Variants in TKTL1 observed in about 807,000 individuals in gnomAD.
TKTL1 encodes the protein transketolase-like protein 1.
TKTL1 carries 1 observed loss-of-function variant against 39.3 expected under a neutral mutation model. That is an observed-to-expected ratio of 0.03 (90% CI 0.01 to 0.12). The LOEUF (loss-of-function observed/expected upper bound fraction) is 0.12, where lower values mean the gene tolerates loss of function less well. Ranked by LOEUF, TKTL1 falls within the 10% of genes least tolerant of loss-of-function variation. The pLI, the probability that TKTL1 is intolerant of heterozygous loss-of-function variation, is 1.00. For synonymous variants in TKTL1, 262 were observed against 193.8 expected (o/e 1.35, Z -2.92); for missense variants, 575 against 509.6 (o/e 1.13, Z -1.24).
intron 7 of TKTL1, among the ~76,000 whole-genome samples, chrX:154,318,251 T>C (rs1277042221): frequency 9.1e-6 from 1 of 109,989 alleles, no homozygotes. Flanking sequence ...TAAATTTAAG[T>C]CGTTGCAAAG....
At position 154,329,598 on chromosome X, in the gene TKTL1, C is replaced by A. The variant is rs1557172770; in HGVS notation, c.1701C>A (p.Pro567=). Residue 567 remains proline, a synonymous_variant, in exon 13 of 13, where the codon CCC becomes CCA. Transcript: ENST00000369915. The stretch of plus-strand genomic sequence containing the variant: ...ATTCGCTGGCAGTGTCGGGAGTGCC[C>A]CAGAGTGGGAAGTCCGAGGAATTGC... ...QVHSLAVSGV[P]QSGKSEELLD... is the part of the protein sequence containing the mutation. The A allele has an allele frequency of 1.7e-6, 2 of 1,211,521 alleles. No individual in the cohort carries two copies. The highest frequency in any genetic ancestry group is 1.8e-5 in the South Asian group (1 of 56,993).
intron 1 of TKTL1, among the ~76,000 whole-genome samples, chrX:154,297,591 A>G: frequency 9.0e-6 from 1 of 111,447 alleles, no homozygotes; most frequent in Admixed American, 9.5e-5. Context: ...TGCTTTTGGT[A>G]TCAAAAGTGT....
In TKTL1 at chrX:154,329,871, C is replaced by A; in HGVS notation, c.*183C>A. ...ACCCTTTAAACTGTCACTGCATATG[C>A]AAGTACCGCTCTAATTTTTGGATCA... On this transcript the variant is annotated 3_prime_UTR_variant, in exon 13 of 13. Coordinates refer to ENST00000369915, the MANE Select transcript of TKTL1 (RefSeq NM_012253.4). The A allele has an allele frequency of 2.3e-6, 1 of 432,142 alleles. No individual in the cohort carries two copies. The highest frequency in any genetic ancestry group is 3.8e-6 in the Non-Finnish European group (1 of 265,949). 35.6% of individuals were successfully genotyped at this position (432,142 alleles called of 1,213,427 possible).
chrX:154,329,270 C>A (rs1247464055), intron 12 of TKTL1, among the ~76,000 whole-genome samples: 2 of 112,128 alleles, frequency 1.8e-5, no homozygotes, highest in Admixed American at 9.4e-5. Context: ...ATTTTCAGGT[C>A]CCCAACAGCT....
At chrX:154,298,653 C>T (rs977644940) in intron 1 of TKTL1, among the ~76,000 whole-genome samples, 1 of 111,312 alleles carries the variant, frequency 9.0e-6, no homozygotes. Context: ...CATGTTTGTG[C>T]CCTACACTCC....
At chrX:154,300,293 G>C (rs1392543538) in intron 1 of TKTL1, among the ~76,000 whole-genome samples, 1 of 112,424 alleles carries the variant, frequency 8.9e-6, no homozygotes, top group Non-Finnish European at 1.9e-5. Flanking sequence ...GATTACAGGC[G>C]TGAGCCACCG....
chrX:154,301,175 C>T (rs782156854), intron 1 of TKTL1, among the ~76,000 whole-genome samples: 1 of 111,235 alleles, frequency 9.0e-6, no homozygotes, highest in African/African-American at 3.3e-5. Flanking sequence ...TGATTTCTAA[C>T]CTCATCCCAT....
rs935008904 is a variant in TKTL1, at chrX:154,320,864, C to T, written c.1137C>T (p.Leu379=). The change falls in exon 8 of 13, where the codon CTC becomes CTT. Residue 379 remains leucine, a synonymous_variant. Transcript: ENST00000369915. ...RAFDHIRIGG[L]AESNINIIGS... is the part of the protein sequence containing the mutation. ...TTGATCACATCCGGATAGGAGGCCT[C>T]GCTGAGAGCAACATCAACATTATTG... is the stretch of plus-strand genomic sequence containing the variant. 6.9e-5 allele frequency: 84 copies of T among 1,209,458 alleles called. No individual in the cohort carries two copies. The highest frequency in any genetic ancestry group is 8.8e-5 in the Non-Finnish European group (79 of 894,902).
chrX:154,296,816 C>T (rs1250758481), intron 1 of TKTL1, among the ~76,000 whole-genome samples: 1 of 110,434 alleles, frequency 9.1e-6, no homozygotes, highest in East Asian at 2.8e-4. Flanking sequence ...GAAACTAGTT[C>T]GAGATCAGCC....
At position 154,295,837 on chromosome X, in the gene TKTL1, C is replaced by A; in HGVS notation, c.-23C>A. ...CGCCGGAGACGTAGGAGTGGGTCTT[C>A]AGACTCCAAAGGGGTTGGACTAATG... On this transcript the variant is annotated 5_prime_UTR_variant, in exon 1 of 13. Transcript: ENST00000369915. 4 of 1,205,518 alleles carry A rather than the reference C, an allele frequency of 3.3e-6. No individual in the cohort carries two copies. Among genetic ancestry groups the A allele is most frequent in the Non-Finnish European group, 4.5e-6 (4 of 892,077 alleles).
At chrX:154,316,314 T>C (rs6655281) in intron 7 of TKTL1, among the ~76,000 whole-genome samples, 3,068 of 110,901 alleles carry the variant, frequency 0.028, 108 homozygotes, top group African/African-American at 0.095. Context: ...TCGTGATCCG[T>C]CCGCCTCGGC....
intron 2 of TKTL1, among the ~76,000 whole-genome samples, chrX:154,306,471 C>G (rs1165734740): frequency 9.0e-6 from 1 of 111,261 alleles, no homozygotes; most frequent in East Asian, 2.8e-4. Context: ...AATGGTTTGG[C>G]AAAAAATAAA....
At chrX:154,326,971 G>GAAAC (rs781908270) in intron 10 of TKTL1, among the ~76,000 whole-genome samples, 17 of 112,175 alleles carry the variant, frequency 1.5e-4, no homozygotes, top group Non-Finnish European at 3.0e-4. Flanking sequence ...AAGCTACAGG[G>GAAAC]AAACCTATAC....
chrX:154,329,144 T>A (rs1327392880), intron 12 of TKTL1, among the ~76,000 whole-genome samples: 1 of 112,188 alleles, frequency 8.9e-6, no homozygotes, highest in Non-Finnish European at 1.9e-5. Flanking sequence ...CCCTGTCTAG[T>A]GGGGAAAGTG....
At position 154,327,655 on chromosome X, in the gene TKTL1, C is replaced by T; in HGVS notation, c.1466C>T (p.Ala489Val). The T allele has an allele frequency of 8.3e-7, 1 of 1,210,912 alleles. No homozygotes were observed. The highest frequency in any genetic ancestry group is 1.1e-6 in the Non-Finnish European group (1 of 894,892). Residue 489 changes from alanine (A) to valine (V), a missense_variant, in exon 11 of 13, where the codon GCC (alanine) becomes GTC (valine). Transcript: ENST00000369915. Reference sequence around the variant, plus strand: ...GGAGCTGGAATTACTGTGTATGAAGCCTTAGCAGCTGCTGATGAGCTTTCG... The same window carrying T: ...GGAGCTGGAATTACTGTGTATGAAGTCTTAGCAGCTGCTGATGAGCTTTCG... Reference protein sequence around the residue: ...VIGAGITVYEALAAADELSKQ... With the variant: ...VIGAGITVYEVLAAADELSKQ...
At chrX:154,296,556 A>G (rs1211171998) in intron 1 of TKTL1, among the ~76,000 whole-genome samples, 1 of 111,437 alleles carries the variant, frequency 9.0e-6, no homozygotes, top group Non-Finnish European at 1.9e-5. Flanking sequence ...CTGCACTCCC[A>G]GCTATTCGGG....
chrX:154,318,428 G>A (rs782376531), intron 7 of TKTL1, among the ~76,000 whole-genome samples: 8 of 109,062 alleles, frequency 7.3e-5, no homozygotes, highest in South Asian at 8.0e-4. Context: ...GGCCGGGTGC[G>A]GTGGCTCACG....
rs782199950 is a variant in TKTL1, at chrX:154,310,986, G to A, written c.501G>A (p.Glu167=). ...GACACAGTGGTGCATTGCCCGCCGA[G>A]CACTGCATAAACATCTATCAGAGGC... The part of the protein sequence containing the change: ...RLGHSGALPA[E]HCINIYQRRC... Residue 167 remains glutamate (E), a synonymous_variant, in exon 4 of 13, where the codon GAG becomes GAA. Transcript: ENST00000369915. 8.3e-7 allele frequency: 1 copy of A among 1,210,614 alleles called. No homozygotes were observed. Among genetic ancestry groups the A allele is most frequent in the African/African-American group, 1.7e-5 (1 of 57,326 alleles).
rs181992920 is a variant in TKTL1 at position 154,308,458 on chromosome X, C to T, written c.253-887C>T. On this transcript the variant is annotated intron_variant, in intron 2 of 12. Transcript: ENST00000369915. ...AGTTGAGCTCTACTTGGTGGGAGGTCGGAAGACCTTAGAAAGTTGAGCGAT... is the reference window on the plus strand; with the variant it reads ...AGTTGAGCTCTACTTGGTGGGAGGTTGGAAGACCTTAGAAAGTTGAGCGAT... Among the ~76,000 whole-genome samples the T allele has an allele frequency of 7.8e-4, 87 of 111,647 alleles. 2 individuals are homozygous for T. In the Admixed American group the frequency reaches 7.9e-3, roughly 10 times the overall value.
Sources: allele counts gnomAD v4.1 joint callset (sites outside exome capture counted in the v4.1 genomes callset), GRCh38; gene constraint gnomAD v4.1.1; transcripts MANE v1.5; gene names NCBI Gene and HGNC (gene_info 2026-07-23, HGNC 2026-07-21).